Variants in CAMKMT observed in about 807,000 individuals in gnomAD.
CAMKMT encodes CaM KMT.
In CAMKMT, 53 loss-of-function variants were observed where a neutral mutation model predicts 48.0. The ratio of observed to expected loss-of-function variants is 1.10; its 90% CI spans 0.89 to 1.39. The LOEUF is 1.39. Ranked by LOEUF, CAMKMT falls within the 40% of genes most tolerant of loss-of-function variation. The pLI, the probability that CAMKMT is intolerant of heterozygous loss-of-function variation, is 0.00. For missense variants in CAMKMT, 428 were observed against 402.7 expected, an observed-to-expected ratio of 1.06 and a Z score of -0.54; for synonymous variants, 165 against 152.3, an observed-to-expected ratio of 1.08 and a Z score of -0.61.
At chr2:44,388,759 G>A (rs972287071) in intron 2 of CAMKMT, among the ~76,000 whole-genome samples, 1 of 152,132 alleles carries the variant, frequency 6.6e-6, no homozygotes, top group East Asian at 1.9e-4. Flanking sequence ...GAGCAGAACT[G>A]CTGTGATGTC....
intron 10 of CAMKMT, among the ~76,000 whole-genome samples, chr2:44,771,080 C>G (rs1681087953): frequency 1.3e-5 from 2 of 152,142 alleles, no homozygotes; most frequent in Non-Finnish European, 2.9e-5. Flanking sequence ...CGAAAAGATT[C>G]AAGTTAACAT....
chr2:44,714,654 A>G (rs1678070778), intron 6 of CAMKMT, among the ~76,000 whole-genome samples: 1 of 152,144 alleles, frequency 6.6e-6, no homozygotes, highest in African/African-American at 2.4e-5. Flanking sequence ...GGAGACTGAC[A>G]TTGCTCTCCC....
chr2:44,532,818 T>A (rs2880050), intron 3 of CAMKMT, among the ~76,000 whole-genome samples: 74,518 of 124,538 alleles, frequency 0.6, 19,440 homozygotes, highest in Middle Eastern at 0.68. Flanking sequence ...GCCATTAAAG[T>A]TTTTTTTTTT....
intron 3 of CAMKMT, among the ~76,000 whole-genome samples, chr2:44,486,525 A>G (rs1669226243): frequency 6.6e-6 from 1 of 152,324 alleles, no homozygotes; most frequent in East Asian, 1.9e-4. Context: ...TTTTTAACTT[A>G]GGCACAAACT....
At chr2:44,438,559 C>T (rs1666428524) in intron 3 of CAMKMT, among the ~76,000 whole-genome samples, 1 of 152,162 alleles carries the variant, frequency 6.6e-6, no homozygotes. Context: ...AAACACTAGT[C>T]TGTGACGTAA....
intron 3 of CAMKMT, among the ~76,000 whole-genome samples, chr2:44,593,806 C>A (rs1469968068): frequency 1.1e-5 from 1 of 89,012 alleles, no homozygotes; most frequent in African/African-American, 4.4e-5. Flanking sequence ...TCTTTTTGCC[C>A]AGGCTGGAGT....
In CAMKMT at chr2:44,372,715, G is replaced by C; in HGVS notation, c.139-1G>C. The C allele has an allele frequency of 1.2e-6, 2 of 1,608,746 alleles. No individual in the cohort carries two copies. Among genetic ancestry groups the C allele is most frequent in the Non-Finnish European group, 1.7e-6 (2 of 1,178,166 alleles). The stretch of plus-strand genomic sequence containing the variant: ...CTGCAATATTTGGCTTTATTTCAAA[G>C]GTTCTGAAGCAAAAACACCTGGATG... On this transcript the variant is annotated splice_acceptor_variant, in intron 1 of 10. Transcript: ENST00000378494. LOFTEE classifies it high-confidence loss of function.
intron 3 of CAMKMT, among the ~76,000 whole-genome samples, chr2:44,523,770 A>ATTTTTT (rs70937920): frequency 1.0e-4 from 9 of 89,870 alleles, no homozygotes; most frequent in East Asian, 6.2e-4. Flanking sequence ...GAGAGCGAGC[A>ATTTTTT]TTTTTTTTTT....
At chr2:44,768,377 T>TTA (rs1266969641) in intron 10 of CAMKMT, among the ~76,000 whole-genome samples, 8 of 137,110 alleles carry the variant, frequency 5.8e-5, no homozygotes, top group Non-Finnish European at 1.1e-4. Flanking sequence ...TTTTTTTTTT[T>TTA]AATAATGAGA....
At chr2:44,501,918 A>G (rs753522903) in intron 3 of CAMKMT, among the ~76,000 whole-genome samples, 2 of 152,170 alleles carry the variant, frequency 1.3e-5, no homozygotes, top group African/African-American at 4.8e-5. Context: ...TACAACAAAA[A>G]CAAAAAAGCA....
At chr2:44,584,138 T>G (rs1352075542) in intron 3 of CAMKMT, among the ~76,000 whole-genome samples, 2 of 152,238 alleles carry the variant, frequency 1.3e-5, no homozygotes, top group Non-Finnish European at 2.9e-5. Context: ...GTCTGACTTC[T>G]TTTGCTCAGC....
rs1491362353 is a variant in CAMKMT at position 44,497,707 on chromosome 2, CAA to C, written c.376+107404_376+107405del. On this transcript the variant is annotated intron_variant, in intron 3 of 10. Coordinates refer to ENST00000378494, the MANE Select transcript of CAMKMT (RefSeq NM_024766.5). The stretch of plus-strand genomic sequence containing the variant: ...CTGTAATTTAAAAAAATTAAGCAGG[CAA>C]AGAGAGAGAGAGAGAGAGAGAGAGA... Among the ~76,000 whole-genome samples, 205 of 82,786 alleles carry C rather than the reference CAA, an allele frequency of 2.5e-3. 2 individuals carry two copies. The highest frequency in any genetic ancestry group is 0.014 in the African/African-American group (194 of 14,000). The allele number at this position is 82,786 out of a possible 152,430, so 54.3% of individuals were successfully genotyped here. A position where few individuals can be genotyped will look rare whatever the true frequency, so the allele number is the denominator to read the frequency against.
chr2:44,725,839 C>CT (rs765704166), intron 7 of CAMKMT, among the ~76,000 whole-genome samples: 2,108 of 143,228 alleles, frequency 0.015, 16 homozygotes, highest in Non-Finnish European at 0.024. Context: ...AGTTCTATTT[C>CT]TTTTTTTTTT....
chr2:44,399,784 G>A (rs1019030998), intron 3 of CAMKMT, among the ~76,000 whole-genome samples: 6 of 152,102 alleles, frequency 3.9e-5, no homozygotes, highest in Admixed American at 6.6e-5. Context: ...GCCTGGGGTA[G>A]GTAGACTGGA....
intron 3 of CAMKMT, among the ~76,000 whole-genome samples, chr2:44,463,480 A>G (rs1418873394): frequency 3.3e-5 from 5 of 152,152 alleles, no homozygotes; most frequent in Admixed American, 6.5e-5. Flanking sequence ...AGAGGAAAAC[A>G]GAAAAGTGAA....
At chr2:44,619,444 AT>A (rs1321086246) in intron 3 of CAMKMT, among the ~76,000 whole-genome samples, 1 of 144,582 alleles carries the variant, frequency 6.9e-6, no homozygotes, top group African/African-American at 2.5e-5. Context: ...AGTGAGAATA[AT>A]TTTAGCTGAT....
At chr2:44,453,374 C>T (rs537050437) in intron 3 of CAMKMT, among the ~76,000 whole-genome samples, 2 of 151,892 alleles carry the variant, frequency 1.3e-5, no homozygotes, top group East Asian at 1.9e-4. Context: ...TCAAGTGAAC[C>T]ATCTCATTTA....
In CAMKMT at chr2:44,402,585, G is replaced by C. The variant is rs111705713; in HGVS notation, c.376+12280G>C. On this transcript the variant is annotated intron_variant, in intron 3 of 10. Coordinates refer to ENST00000378494, the MANE Select transcript of CAMKMT (RefSeq NM_024766.5). ...CATTTCTTGGGCACTTTTCAGTTTA[G>C]AAAGTCATATTTTTCAGTCTGGAAA... Among the ~76,000 whole-genome samples, 268 of 151,714 alleles carry C rather than the reference G, an allele frequency of 1.8e-3. No homozygotes were observed. In the Middle Eastern group the frequency reaches 0.027, roughly 15 times the overall value.
chr2:44,432,173 T>G (rs371772645), intron 3 of CAMKMT, among the ~76,000 whole-genome samples: 17 of 152,356 alleles, frequency 1.1e-4, no homozygotes, highest in African/African-American at 4.1e-4. Context: ...GAGGGTTTCC[T>G]TTGTAAATGA....
Sources: allele counts gnomAD v4.1 joint callset (sites outside exome capture counted in the v4.1 genomes callset), GRCh38; gene constraint gnomAD v4.1.1; transcripts MANE v1.5; gene names NCBI Gene and HGNC (gene_info 2026-07-23, HGNC 2026-07-21).